UNC13C: variants seen among roughly 807,000 people sequenced by gnomAD.
UNC13C encodes unc-13 homolog C.
A neutral mutation model predicts 245.4 loss-of-function variants in UNC13C; 174 were observed. That is an observed-to-expected ratio of 0.71 (90% CI 0.63 to 0.80). The LOEUF is 0.80. Ranked by LOEUF, UNC13C falls within the 30% of genes least tolerant of loss-of-function variation. The probability of loss-of-function intolerance (pLI) is 0.00; values close to 1 mark genes in which losing one functional copy is unlikely to be tolerated. For missense variants in UNC13C, 2,829 were observed against 2,602.9 expected, an observed-to-expected ratio of 1.09 and a Z score of -1.89; for synonymous variants, 992 against 895.1, an observed-to-expected ratio of 1.11 and a Z score of -1.93.
chr15:54,185,375 G>C (rs945588216), intron 4 of UNC13C, among the ~76,000 whole-genome samples: 1 of 151,558 alleles, frequency 6.6e-6, no homozygotes. Flanking sequence ...TATTGCCTAG[G>C]TTTTCTTCTA....
At chr15:54,307,812 G>C (rs188262487) in intron 13 of UNC13C, among the ~76,000 whole-genome samples, 19 of 151,954 alleles carry the variant, frequency 1.3e-4, no homozygotes, top group African/African-American at 4.1e-4. Flanking sequence ...TAGCATCTTT[G>C]AGAAGCTATG....
chr15:54,481,732 C>A (rs1441862659), intron 19 of UNC13C, among the ~76,000 whole-genome samples: 1 of 152,020 alleles, frequency 6.6e-6, no homozygotes, highest in East Asian at 1.9e-4. Flanking sequence ...GACACAGAAT[C>A]CAGAGGACAT....
At chr15:54,201,815 G>T (rs116311485) in intron 4 of UNC13C, among the ~76,000 whole-genome samples, 2,041 of 152,072 alleles carry the variant, frequency 0.013, 56 homozygotes, top group African/African-American at 0.046. Context: ...CCTAGCCAGA[G>T]AAATCAGACA....
the UNC13C span, among the ~76,000 whole-genome samples, chr15:53,902,830 C>G: frequency 3.2e-3 from 485 of 151,924 alleles, 25 homozygotes; most frequent in East Asian, 0.087. Context: ...AGCAAAAAGG[C>G]CAGTGAAATT....
intron 18 of UNC13C, among the ~76,000 whole-genome samples, chr15:54,412,384 A>G (rs1365831200): frequency 6.6e-6 from 1 of 152,088 alleles, no homozygotes; most frequent in African/African-American, 2.4e-5. Context: ...ACAGGAGGGA[A>G]CTGCCAAACG....
chr15:54,552,918 ATT>A (rs1311666713), intron 28 of UNC13C, among the ~76,000 whole-genome samples: 2 of 40,380 alleles, frequency 5.0e-5, no homozygotes, highest in African/African-American at 9.8e-5. Context: ...TATAATATAT[ATT>A]GTATTCTATA....
At chr15:54,581,277 G>T (rs557165988) in intron 30 of UNC13C, among the ~76,000 whole-genome samples, 4 of 152,374 alleles carry the variant, frequency 2.6e-5, no homozygotes, top group African/African-American at 9.6e-5. Context: ...AAAGCGACAA[G>T]AAGACCAATC....
chr15:54,530,208 T>G (rs2141146475), intron 25 of UNC13C, among the ~76,000 whole-genome samples: 1 of 152,326 alleles, frequency 6.6e-6, no homozygotes, highest in Non-Finnish European at 1.5e-5. Context: ...TACAACTTTG[T>G]TTTGATATAC....
chr15:54,330,421 T>A (rs1354657269), intron 14 of UNC13C, among the ~76,000 whole-genome samples: 2 of 151,880 alleles, frequency 1.3e-5, no homozygotes, highest in Non-Finnish European at 2.9e-5. Flanking sequence ...ATTCTTTTAG[T>A]AAGGAACAAT....
At chr15:54,366,539 TA>T (rs1263936137) in intron 17 of UNC13C, among the ~76,000 whole-genome samples, 137 of 152,268 alleles carry the variant, frequency 9.0e-4, no homozygotes, top group African/African-American at 3.0e-3. Context: ...AGTTTTTTGT[TA>T]TTTTTTTTGA....
chr15:53,906,812 A>G, the UNC13C span, among the ~76,000 whole-genome samples: 1 of 152,206 alleles, frequency 6.6e-6, no homozygotes, highest in Non-Finnish European at 1.5e-5. Flanking sequence ...GGTCCTCAAG[A>G]AACTTATAAT....
the UNC13C span, among the ~76,000 whole-genome samples, chr15:53,941,143 T>A: frequency 1.1e-3 from 174 of 152,092 alleles, no homozygotes; most frequent in African/African-American, 4.0e-3. Context: ...AACTCAGAAA[T>A]AAGGCCACAC....
chr15:54,029,123 T>G (rs553717195), intron 2 of UNC13C, among the ~76,000 whole-genome samples: 5 of 152,328 alleles, frequency 3.3e-5, no homozygotes, highest in South Asian at 4.1e-4. Flanking sequence ...TGATTATTTT[T>G]GGGTTTGAAT....
chr15:54,366,124 C>G (rs2039359645), intron 17 of UNC13C, among the ~76,000 whole-genome samples: 1 of 152,178 alleles, frequency 6.6e-6, no homozygotes, highest in African/African-American at 2.4e-5. Context: ...TACAGCATCT[C>G]TCTGTTAGAT....
At chr15:54,254,254 T>C (rs948474717) in intron 8 of UNC13C, among the ~76,000 whole-genome samples, 27 of 152,044 alleles carry the variant, frequency 1.8e-4, no homozygotes, top group African/African-American at 6.0e-4. Context: ...TGGGTAGGAG[T>C]TTTATTCTGG....
intron 8 of UNC13C, among the ~76,000 whole-genome samples, chr15:54,252,027 T>G (rs1051380699): frequency 9.8e-5 from 15 of 152,304 alleles, no homozygotes; most frequent in African/African-American, 3.4e-4. Context: ...GGGATTGACT[T>G]GATATTACTC....
At chr15:54,292,019 A>T (rs1596157103) in intron 10 of UNC13C, among the ~76,000 whole-genome samples, 1 of 152,102 alleles carries the variant, frequency 6.6e-6, no homozygotes, top group African/African-American at 2.4e-5. Flanking sequence ...ATGCACACTG[A>T]TACAAATACT....
intron 14 of UNC13C, among the ~76,000 whole-genome samples, chr15:54,330,969 A>T (rs1378540921): frequency 6.6e-6 from 1 of 152,018 alleles, no homozygotes; most frequent in Non-Finnish European, 1.5e-5. Context: ...AAATCTGATG[A>T]TGGCAGTTTA....
In UNC13C at chr15:54,150,988, G is replaced by A. The variant is rs190948001; in HGVS notation, c.3071+7304G>A. ...AAAATGGAGCTGTCATCCTGAAGCTGCTAATAGCTCATAGTTCACCAAGTT... is the reference window on the plus strand; with the variant it reads ...AAAATGGAGCTGTCATCCTGAAGCTACTAATAGCTCATAGTTCACCAAGTT... On this transcript the variant is annotated intron_variant, in intron 4 of 32. Transcript: ENST00000260323. Among the ~76,000 whole-genome samples, 149 of 152,276 alleles carry A rather than the reference G, an allele frequency of 9.8e-4. 1 individual carries two copies. The Middle Eastern group carries it at 0.01, about 10-fold the overall frequency.
Sources: gnomAD v4.1 joint callset for allele counts (sites outside exome capture counted in the v4.1 genomes callset) on GRCh38, gnomAD v4.1.1 for gene constraint, MANE v1.5 for transcripts, NCBI Gene and HGNC (gene_info 2026-07-23, HGNC 2026-07-21) for gene names.